PCNX2: variants seen among roughly 807,000 people sequenced by gnomAD.
PCNX2 encodes the protein pecanex-like protein 2.
In PCNX2, 168 loss-of-function variants were observed where a neutral mutation model predicts 223.8. That is an observed-to-expected ratio of 0.75 (90% CI 0.66 to 0.85). The LOEUF is 0.85. PCNX2 is among the 40% of genes least tolerant of loss of function. PCNX2 has a pLI of 0.00. For missense variants in PCNX2, 2,507 were observed against 2,675.5 expected (o/e 0.94, Z 1.39); for synonymous variants, 1,006 against 1,052.6 (o/e 0.96, Z 0.86).
chr1:233,185,564 C>T (rs895599145), intron 15 of PCNX2, among the ~76,000 whole-genome samples: 2 of 152,206 alleles, frequency 1.3e-5, no homozygotes, highest in African/African-American at 4.8e-5. Context: ...TCCATCCACA[C>T]AACAGTGTTT....
At chr1:233,161,960 T>TA (rs1553303707) in intron 17 of PCNX2, among the ~76,000 whole-genome samples, 88 of 147,544 alleles carry the variant, frequency 6.0e-4, no homozygotes, top group East Asian at 3.9e-3. Context: ...AAATTATTTT[T>TA]TATATATATA....
chr1:233,214,581 T>G (rs1328366913), intron 12 of PCNX2, among the ~76,000 whole-genome samples: 1 of 152,236 alleles, frequency 6.6e-6, no homozygotes, highest in Non-Finnish European at 1.5e-5. Flanking sequence ...AGTTTTTCAC[T>G]GTCTCTTGGA....
Position 232,988,003 on chromosome 1 carries a change from C to A in PCNX2, c.5792-1463G>T, listed in dbSNP as rs116108245. On this transcript the variant is annotated intron_variant, in intron 32 of 33. Transcript: ENST00000258229. The stretch of plus-strand genomic sequence containing the variant: ...CTCAGCCCCTCGCATGGGGCCCACC[C>A]GCCTCTGCTGCAGGAGGGGTGCATT... 7.8e-3 allele frequency among the ~76,000 whole-genome samples: 1,189 copies of A among 152,326 alleles called. 17 individuals are homozygous for A. Among genetic ancestry groups the A allele is most frequent in the African/African-American group, 0.026 (1,087 of 41,574 alleles).
chr1:233,327,313 A>C, the PCNX2 span, among the ~76,000 whole-genome samples: 2 of 138,178 alleles, frequency 1.4e-5, no homozygotes, highest in South Asian at 2.7e-4. Flanking sequence ...GCGGCTCACC[A>C]TTGCTCCGGA....
rs1039554164 is a variant in PCNX2 at position 233,000,686 on chromosome 1, G to A, written c.5098-151C>T. ...GTTCTTTTTCCAAATCCTGAGCTCG[G>A]CACAGAGGACACCTCTTTATCTCAT... is the stretch of plus-strand genomic sequence containing the variant. On this transcript the variant is annotated intron_variant, in intron 29 of 33. Coordinates refer to ENST00000258229, the MANE Select transcript of PCNX2 (RefSeq NM_014801.4). This position sits in a 1 kb window ranked among gnomAD's most constrained non-coding sequence, Gnocchi z 4.6. Among the ~76,000 whole-genome samples the A allele has an allele frequency of 1.3e-5, 2 of 152,170 alleles. No homozygotes were observed. The highest frequency in any genetic ancestry group is 4.1e-4 in the South Asian group (2 of 4,822).
chr1:233,160,309 T>G lies in PCNX2; in HGVS notation c.3491A>C (p.Lys1164Thr), dbSNP rs1447469092. The change falls in exon 19 of 34, where the codon AAA becomes ACA. Residue 1164 changes from lysine (K) to threonine (T), a missense_variant. This residue lies in a region of PCNX2 where 1,372 missense variants were observed against 1,509.4 expected (regional missense o/e 0.91). Transcript: ENST00000258229. Reference protein sequence around the residue: ...MWISHPILKNKEYHQREVRDV... With the variant: ...MWISHPILKNTEYHQREVRDV... ...TCTCACTTCCCGTTGATGATACTCTTTGTTTTTGAGAATGGGGTGTGAAAT... is the reference window on the plus strand; with the variant it reads ...TCTCACTTCCCGTTGATGATACTCTGTGTTTTTGAGAATGGGGTGTGAAAT... 2 of 1,613,658 alleles carry G rather than the reference T, an allele frequency of 1.2e-6. No homozygotes were observed. The highest frequency in any genetic ancestry group is 1.7e-6 in the Non-Finnish European group (2 of 1,179,752).
At chr1:233,324,804 G>T in the PCNX2 span, among the ~76,000 whole-genome samples, 1 of 151,682 alleles carries the variant, frequency 6.6e-6, no homozygotes, top group African/African-American at 2.4e-5. Context: ...GGCCAGGCTG[G>T]TCTCAAACTC....
At chr1:233,031,247 A>G (rs965236525) in intron 25 of PCNX2, among the ~76,000 whole-genome samples, 4 of 152,232 alleles carry the variant, frequency 2.6e-5, no homozygotes, top group African/African-American at 7.2e-5. Context: ...ATGTCTTTGA[A>G]TCTTTCTACA....
intron 8 of PCNX2, among the ~76,000 whole-genome samples, chr1:233,248,179 T>G (rs113223390): frequency 1.4e-4 from 21 of 152,092 alleles, no homozygotes; most frequent in South Asian, 2.1e-4. Context: ...TTCAGTTGCC[T>G]TTTCACCAGA....
intron 23 of PCNX2, among the ~76,000 whole-genome samples, chr1:233,068,661 T>G (rs1288669702): frequency 6.6e-6 from 1 of 152,102 alleles, no homozygotes; most frequent in Non-Finnish European, 1.5e-5. Flanking sequence ...TTTGAACAAT[T>G]ATTTATATAT....
chr1:233,166,544 T>A (rs1221615595), intron 17 of PCNX2, among the ~76,000 whole-genome samples: 7 of 152,000 alleles, frequency 4.6e-5, no homozygotes, highest in Admixed American at 4.6e-4. Context: ...CCCTCCTACA[T>A]CCCCAGCTGC....
intron 19 of PCNX2, among the ~76,000 whole-genome samples, chr1:233,148,837 T>C (rs1006113685): frequency 1.3e-5 from 2 of 152,234 alleles, no homozygotes; most frequent in African/African-American, 4.8e-5. Flanking sequence ...TGTTTATAGT[T>C]GGAAGTAGAA....
chr1:233,204,486 C>T (rs533104224), intron 13 of PCNX2, among the ~76,000 whole-genome samples: 9 of 152,300 alleles, frequency 5.9e-5, no homozygotes, highest in African/African-American at 2.2e-4. Context: ...TGTTTTTCTT[C>T]TCTCCTTGCT....
At position 233,126,952 on chromosome 1, in the gene PCNX2, A is replaced by G. The variant is rs145157640; in HGVS notation, c.3837+8061T>C. Among the ~76,000 whole-genome samples the G allele has an allele frequency of 2.6e-3, 391 of 152,208 alleles. 15 individuals are homozygous for G. The East Asian group carries it at 0.067, about 26-fold the overall frequency. The stretch of plus-strand genomic sequence containing the variant: ...CTGCACTGCACTCTCCCCCGTATCT[A>G]TCTGATCACTAAACGTAATCAATTC... On this transcript the variant is annotated intron_variant, in intron 21 of 33. Coordinates refer to ENST00000258229, the MANE Select transcript of PCNX2 (RefSeq NM_014801.4). This position sits in a 1 kb window ranked among gnomAD's most constrained non-coding sequence, Gnocchi z 4.8.
chr1:233,315,529 C>G, the PCNX2 span, among the ~76,000 whole-genome samples: 198 of 152,212 alleles, frequency 1.3e-3, 2 homozygotes, highest in African/African-American at 4.6e-3. Flanking sequence ...ATCTCAAGGT[C>G]TCTAAAATGG....
chr1:233,275,881 T>G (rs1293071964), intron 1 of PCNX2, among the ~76,000 whole-genome samples: 4 of 151,628 alleles, frequency 2.6e-5, no homozygotes, highest in African/African-American at 9.7e-5. Context: ...AATAGAAAAA[T>G]TATCTGGGCA....
intron 15 of PCNX2, among the ~76,000 whole-genome samples, chr1:233,189,261 C>T (rs903106680): frequency 2.0e-5 from 3 of 152,162 alleles, no homozygotes; most frequent in Non-Finnish European, 4.4e-5. Flanking sequence ...TTATCGATTA[C>T]ATGGAGATAT....
At chr1:233,176,652 T>C (rs1186432193) in intron 17 of PCNX2, among the ~76,000 whole-genome samples, 1 of 152,210 alleles carries the variant, frequency 6.6e-6, no homozygotes, top group Non-Finnish European at 1.5e-5. Flanking sequence ...CATGTGACTA[T>C]CCTGGCAAAC....
chr1:233,294,007 G>T, intron 1 of PCNX2: 1 of 984,906 alleles, frequency 1.0e-6, no homozygotes. Flanking sequence ...TTATTGCAGG[G>T]TTTCCAAGCA....
Sources: gnomAD v4.1 joint callset for allele counts (sites outside exome capture counted in the v4.1 genomes callset) on GRCh38, gnomAD v4.1.1 for gene constraint, gnomAD v4.1.1 regional missense constraint, Gnocchi (gnomAD v3.1) non-coding constraint, MANE v1.5 for transcripts, NCBI Gene and HGNC (gene_info 2026-07-23, HGNC 2026-07-21) for gene names.